Variants in LRP6 observed in about 807,000 individuals in gnomAD.
LRP6 encodes the protein low-density lipoprotein receptor-related protein 6.
In LRP6, 43 loss-of-function variants were observed where a neutral mutation model predicts 184.1. That is an observed-to-expected ratio of 0.23 (90% CI 0.18 to 0.30). The LOEUF is 0.30. LRP6 is among the 10% of genes least tolerant of loss of function. The probability of loss-of-function intolerance (pLI) is 1.00; values close to 1 mark genes in which losing one functional copy is unlikely to be tolerated. For synonymous variants in LRP6, 719 were observed against 684.9 expected (o/e 1.05, Z -0.78); for missense variants, 1,571 against 2,005.3 (o/e 0.78, Z 4.14).
chr12:12,206,817 G>GA (rs200361473), intron 2 of LRP6, among the ~76,000 whole-genome samples: 1 of 151,200 alleles, frequency 6.6e-6, no homozygotes, highest in Non-Finnish European at 1.5e-5. Context: ...TCAGGAGGGA[G>GA]AAAAAAATGC....
chr12:12,230,008 T>TTA (rs1261897550), intron 2 of LRP6, among the ~76,000 whole-genome samples: 1 of 152,242 alleles, frequency 6.6e-6, no homozygotes, highest in Non-Finnish European at 1.5e-5. Context: ...GACCAGGCTG[T>TTA]TATATGCTGT....
intron 12 of LRP6, among the ~76,000 whole-genome samples, chr12:12,151,831 T>C (rs1950085580): frequency 6.6e-6 from 1 of 152,120 alleles, no homozygotes; most frequent in Non-Finnish European, 1.5e-5. Flanking sequence ...GCAGAGCCAC[T>C]GTGCCCACCC....
intron 7 of LRP6, among the ~76,000 whole-genome samples, chr12:12,168,592 G>A (rs11054719): frequency 0.023 from 3,459 of 152,272 alleles, 63 homozygotes; most frequent in Non-Finnish European, 0.037. Flanking sequence ...AGCACTTTAA[G>A]CAGGGTGACA....
intron 6 of LRP6, 36 bp from the exon 7 acceptor site, chr12:12,180,017 T>C: frequency 6.5e-7 from 1 of 1,537,922 alleles, no homozygotes. Flanking sequence ...TAAAAATAGA[T>C]AATAAAATGT....
chr12:12,183,321 T>G (rs1013418187), intron 5 of LRP6, among the ~76,000 whole-genome samples: 3 of 152,166 alleles, frequency 2.0e-5, no homozygotes, highest in Non-Finnish European at 4.4e-5. Flanking sequence ...AAGAATAACA[T>G]TCTCATTAAG....
At chr12:12,180,738 A>G (rs1306145573) in intron 6 of LRP6, among the ~76,000 whole-genome samples, 1 of 152,104 alleles carries the variant, frequency 6.6e-6, no homozygotes, top group African/African-American at 2.4e-5. Flanking sequence ...AGAGTTCTGA[A>G]AACAATTTCT....
chr12:12,148,885 G>C, intron 14 of LRP6, 57 bp downstream of exon 14: 1 of 1,220,532 alleles, frequency 8.2e-7, no homozygotes, highest in Middle Eastern at 2.7e-4. Flanking sequence ...GGCTGAAAAA[G>C]AAGGGTGAGG....
At chr12:12,145,682 A>G (rs1269695089) in intron 15 of LRP6, among the ~76,000 whole-genome samples, 2 of 133,066 alleles carry the variant, frequency 1.5e-5, no homozygotes, top group African/African-American at 5.8e-5. Flanking sequence ...CCCAGGCTGG[A>G]GTGCAGTGGC....
intron 5 of LRP6, among the ~76,000 whole-genome samples, chr12:12,182,014 C>T (rs1404242417): frequency 1.3e-5 from 2 of 152,114 alleles, no homozygotes; most frequent in African/African-American, 4.8e-5. Flanking sequence ...AGGGCAATAC[C>T]TCACAGAATT....
At chr12:12,237,978 G>A (rs11054740) in intron 2 of LRP6, among the ~76,000 whole-genome samples, 60 of 152,258 alleles carry the variant, frequency 3.9e-4, no homozygotes, top group African/African-American at 1.4e-3. Flanking sequence ...TCAATATTTA[G>A]GGAAGCTGGG....
chr12:12,205,401 G>A (rs1257934345), intron 2 of LRP6, among the ~76,000 whole-genome samples: 1 of 145,086 alleles, frequency 6.9e-6, no homozygotes, highest in Non-Finnish European at 1.5e-5. Flanking sequence ...CTTAATAAAT[G>A]TGTTGAAACC....
Position 12,165,310 on chromosome 12 carries a change from TCAAA to T in LRP6, c.1546-19_1546-16del. On this transcript the variant is annotated splice_polypyrimidine_tract_variant and intron_variant, in intron 7 of 22. Transcript: ENST00000261349. ...GTATTCATAACCTTCAGGTTTAAATTCAAAAGAGAAGGGGATGAATTATGCATTT... is the reference window on the plus strand; with the variant it reads ...GTATTCATAACCTTCAGGTTTAAATTAGAGAAGGGGATGAATTATGCATTT... The T allele has an allele frequency of 6.4e-7, 1 of 1,561,210 alleles. No individual in the cohort carries two copies. Among genetic ancestry groups the T allele is most frequent in the South Asian group, 1.1e-5 (1 of 89,980 alleles).
chr12:12,164,919 T>TAAAAAAAAAAAAAAAAAAAAA lies in LRP6; in HGVS notation c.1762+139_1762+159dup, dbSNP rs58540250. Among the ~76,000 whole-genome samples, 31 of 57,094 alleles carry TAAAAAAAAAAAAAAAAAAAAA rather than the reference T, an allele frequency of 5.4e-4. 2 individuals are homozygous for TAAAAAAAAAAAAAAAAAAAAA. Among genetic ancestry groups the TAAAAAAAAAAAAAAAAAAAAA allele is most frequent in the Non-Finnish European group, 8.6e-4 (24 of 27,794 alleles). 37.5% of individuals were successfully genotyped at this position (57,094 alleles called of 152,430 possible). A position where few individuals can be genotyped will look rare whatever the true frequency, so the allele number is the denominator to read the frequency against. ...CAACGTTTAAAAGGTCCCTTCTCAGTAAAAAAAAAAAAAAAAAAAAAAAAA... is the reference window on the plus strand; with the variant it reads ...CAACGTTTAAAAGGTCCCTTCTCAGTAAAAAAAAAAAAAAAAAAAAAAAAAAAAAAAAAAAAAAAAAAAAAA... On this transcript the variant is annotated intron_variant, in intron 8 of 22. Coordinates refer to ENST00000261349, the MANE Select transcript of LRP6 (RefSeq NM_002336.3).
chr12:12,254,694 G>T (rs1406397466), intron 1 of LRP6, among the ~76,000 whole-genome samples: 1 of 152,138 alleles, frequency 6.6e-6, no homozygotes, highest in Non-Finnish European at 1.5e-5. Flanking sequence ...ATTTAATCAG[G>T]TATGACCAAA....
intron 1 of LRP6, among the ~76,000 whole-genome samples, chr12:12,254,923 C>G (rs1865423386): frequency 6.6e-6 from 1 of 152,176 alleles, no homozygotes; most frequent in South Asian, 2.1e-4. Flanking sequence ...CAGTTCTTGA[C>G]TTACCTTTAT....
At chr12:12,169,037 T>C (rs1862960006) in intron 7 of LRP6, among the ~76,000 whole-genome samples, 1 of 152,104 alleles carries the variant, frequency 6.6e-6, no homozygotes, top group Non-Finnish European at 1.5e-5. Context: ...GAGACTAGCC[T>C]GACAAACATG....
intron 1 of LRP6, among the ~76,000 whole-genome samples, chr12:12,265,867 C>T (rs1400860394): frequency 6.6e-6 from 1 of 152,192 alleles, no homozygotes; most frequent in African/African-American, 2.4e-5. Flanking sequence ...AGCAAATTAT[C>T]TCGAACAGCC....
Position 12,165,006 on chromosome 12 carries a change from T to C in LRP6, c.1762+73A>G. The C allele has an allele frequency of 1.1e-5, 12 of 1,142,098 alleles. No individual in the cohort carries two copies. The South Asian group carries it at 1.2e-4, about 12-fold the overall frequency. 70.7% of individuals were successfully genotyped at this position (1,142,098 alleles called of 1,614,324 possible). ...CAAAATTGCCTCAAAACATCAATAATTTACACTGCTGACTATCTCCATCTT... is the reference window on the plus strand; with the variant it reads ...CAAAATTGCCTCAAAACATCAATAACTTACACTGCTGACTATCTCCATCTT... On this transcript the variant is annotated intron_variant, in intron 8 of 22. Coordinates refer to ENST00000261349, the MANE Select transcript of LRP6 (RefSeq NM_002336.3).
At chr12:12,193,806 T>C (rs914456302) in intron 3 of LRP6, among the ~76,000 whole-genome samples, 4 of 152,050 alleles carry the variant, frequency 2.6e-5, no homozygotes, top group South Asian at 2.1e-4. Flanking sequence ...GGTCACACAC[T>C]TTTCCAGAAA....
Sources: gnomAD v4.1 joint callset for allele counts (sites outside exome capture counted in the v4.1 genomes callset) on GRCh38, gnomAD v4.1.1 for gene constraint, MANE v1.5 for transcripts, NCBI Gene and HGNC (gene_info 2026-07-23, HGNC 2026-07-21) for gene names.